Variants in ANKRD28 observed in about 807,000 individuals in gnomAD.
The protein encoded by ANKRD28 is serine/threonine-protein phosphatase 6 regulatory ankyrin repeat subunit A.
A neutral mutation model predicts 126.5 loss-of-function variants in ANKRD28; 44 were observed. That is an observed-to-expected ratio of 0.35 (90% CI 0.27 to 0.45). The LOEUF (loss-of-function observed/expected upper bound fraction) is 0.45, where lower values mean the gene tolerates loss of function less well. Ranked by LOEUF, ANKRD28 falls within the 20% of genes least tolerant of loss-of-function variation. The pLI, the probability that ANKRD28 is intolerant of heterozygous loss-of-function variation, is 1.00. For missense variants in ANKRD28, 1,110 were observed against 1,316.6 expected (o/e 0.84, Z 2.43); for synonymous variants, 442 against 468.5 (o/e 0.94, Z 0.73).
intron 14 of ANKRD28, among the ~76,000 whole-genome samples, chr3:15,707,678 G>A (rs866118174): frequency 2.1e-4 from 32 of 152,316 alleles, no homozygotes; most frequent in African/African-American, 7.5e-4. Context: ...TTGGCAGATA[G>A]GACAAGAAGG....
At position 15,845,056 on chromosome 3, in the gene ANKRD28, A is replaced by G. The variant is rs1045448663; in HGVS notation, c.27+14321T>C. Among the ~76,000 whole-genome samples the G allele has an allele frequency of 2.0e-5, 3 of 152,138 alleles. No individual in the cohort carries two copies. The highest frequency in any genetic ancestry group is 2.0e-4 in the Admixed American group (3 of 15,276). Reference sequence around the variant, plus strand: ...ACACGGGGGTGCTAGGCACTTTTAAACAACCAGATCTCACGAGAATGTAGA... The same window carrying G: ...ACACGGGGGTGCTAGGCACTTTTAAGCAACCAGATCTCACGAGAATGTAGA... On this transcript the variant is annotated intron_variant, in intron 1 of 27. Transcript: ENST00000399451. This position sits in a 1 kb window ranked among gnomAD's most constrained non-coding sequence, Gnocchi z 4.9.
At chr3:15,779,356 A>G (rs1182576027) in intron 2 of ANKRD28, among the ~76,000 whole-genome samples, 1 of 152,218 alleles carries the variant, frequency 6.6e-6, no homozygotes, top group African/African-American at 2.4e-5. Flanking sequence ...ATTACTAGAC[A>G]AGTGAATAAA....
chr3:15,701,817 G>A (rs927219574), intron 14 of ANKRD28, among the ~76,000 whole-genome samples: 1 of 152,134 alleles, frequency 6.6e-6, no homozygotes, highest in African/African-American at 2.4e-5. Flanking sequence ...CAGTCAGTGT[G>A]TAAACTCTGT....
chr3:15,716,620 T>C (rs538572263), intron 8 of ANKRD28, among the ~76,000 whole-genome samples: 3 of 152,074 alleles, frequency 2.0e-5, no homozygotes, highest in South Asian at 2.1e-4. Context: ...AGGAAAAACA[T>C]AGATTCCATT....
intron 1 of ANKRD28, among the ~76,000 whole-genome samples, chr3:15,842,643 AG>A (rs1255176254): frequency 2.0e-5 from 3 of 152,246 alleles, no homozygotes; most frequent in Admixed American, 6.5e-5. Flanking sequence ...CCATTTACCC[AG>A]ATGTGGTTAG....
intron 14 of ANKRD28, among the ~76,000 whole-genome samples, chr3:15,702,876 A>T (rs1218823683): frequency 6.8e-6 from 1 of 147,454 alleles, no homozygotes; most frequent in African/African-American, 2.5e-5. Flanking sequence ...ACTAACCTTT[A>T]TAGGAAGATT....
chr3:15,826,739 T>C (rs2061075141), intron 1 of ANKRD28, among the ~76,000 whole-genome samples: 1 of 152,162 alleles, frequency 6.6e-6, no homozygotes. Flanking sequence ...TTGGTCTGAG[T>C]GTAGAAGATG....
chr3:15,778,697 A>G (rs2059408572), intron 2 of ANKRD28, among the ~76,000 whole-genome samples: 1 of 152,190 alleles, frequency 6.6e-6, no homozygotes, highest in Non-Finnish European at 1.5e-5. Context: ...ACCCATCTAG[A>G]TAATCTCACT....
At chr3:15,750,436 G>A (rs1398752646) in intron 4 of ANKRD28, among the ~76,000 whole-genome samples, 1 of 152,156 alleles carries the variant, frequency 6.6e-6, no homozygotes. Flanking sequence ...TCGCACAGCT[G>A]AAAAGTTGCA....
At chr3:15,795,650 G>A (rs906565361) in intron 1 of ANKRD28, among the ~76,000 whole-genome samples, 2 of 152,018 alleles carry the variant, frequency 1.3e-5, no homozygotes, top group African/African-American at 2.4e-5. Flanking sequence ...TCTACTTGTG[G>A]GACAGAACTT....
chr3:15,766,004 G>C (rs2058719263), intron 3 of ANKRD28, among the ~76,000 whole-genome samples: 1 of 151,916 alleles, frequency 6.6e-6, no homozygotes, highest in Non-Finnish European at 1.5e-5. Flanking sequence ...TTCCTTATCA[G>C]AGTATAAGCT....
At chr3:15,674,254 G>C (rs1341813324) in intron 27 of ANKRD28, among the ~76,000 whole-genome samples, 1 of 149,876 alleles carries the variant, frequency 6.7e-6, no homozygotes, top group Non-Finnish European at 1.5e-5. Flanking sequence ...AAAGGATCCA[G>C]GTCAGTCTGG....
At chr3:15,792,852 A>T (rs568250100) in intron 2 of ANKRD28, among the ~76,000 whole-genome samples, 16 of 152,070 alleles carry the variant, frequency 1.1e-4, no homozygotes, top group East Asian at 9.6e-4. Flanking sequence ...GTACCCACAA[A>T]TTTTTTTTAA....
chr3:15,709,938 G>A (rs1458676431), intron 12 of ANKRD28, among the ~76,000 whole-genome samples: 2 of 152,094 alleles, frequency 1.3e-5, no homozygotes, highest in Non-Finnish European at 2.9e-5. Context: ...TTGGCACACT[G>A]AGGAAATAAC....
exon 1 of ANKRD28, chr3:15,859,543 G>T: frequency 3.8e-6 from 2 of 520,646 alleles, no homozygotes; most frequent in Non-Finnish European, 4.8e-6. Context: ...GCGCTGAGAA[G>T]ACCTGCGGGC....
In ANKRD28 at chr3:15,724,473, C is replaced by A; in HGVS notation, c.692G>T (p.Cys231Phe). 6.3e-7 allele frequency: 1 copy of A among 1,594,438 alleles called. No homozygotes were observed. The highest frequency in any genetic ancestry group is 8.6e-7 in the Non-Finnish European group (1 of 1,169,472). ...AGGTGTATAAGACTTTTTATCCTTG[C>A]ATGTCACTTCAGCTCCATGCGACAC... is the stretch of plus-strand genomic sequence containing the variant. ...LLVSHGAEVT[C>F]KDKKSYTPLH... is the part of the protein sequence containing the mutation. The change falls in exon 7 of 28, where the codon TGC becomes TTC. Residue 231 changes from cysteine (C) to phenylalanine (F), a missense_variant. Coordinates refer to ENST00000683139, the MANE Select transcript of ANKRD28 (RefSeq NM_001349278.2).
intron 1 of ANKRD28, among the ~76,000 whole-genome samples, chr3:15,821,778 G>T (rs1692529048): frequency 6.6e-6 from 1 of 152,200 alleles, no homozygotes; most frequent in Admixed American, 6.5e-5. Flanking sequence ...GGTGCCTGTT[G>T]TGGGTACCAG....
chr3:15,734,437 C>T (rs1559431264), intron 6 of ANKRD28, among the ~76,000 whole-genome samples: 1 of 152,104 alleles, frequency 6.6e-6, no homozygotes, highest in East Asian at 1.9e-4. Flanking sequence ...AAATATTACA[C>T]AGAAAACATG....
intron 4 of ANKRD28, among the ~76,000 whole-genome samples, chr3:15,751,254 C>T (rs982907518): frequency 2.0e-5 from 3 of 152,164 alleles, no homozygotes; most frequent in African/African-American, 7.2e-5. Flanking sequence ...AGGCTGTACA[C>T]AAGAAGGAAC....
Sources: allele counts gnomAD v4.1 joint callset (sites outside exome capture counted in the v4.1 genomes callset), GRCh38; gene constraint gnomAD v4.1.1; non-coding constraint Gnocchi (gnomAD v3.1); transcripts MANE v1.5; gene names NCBI Gene and HGNC (gene_info 2026-07-23, HGNC 2026-07-21).